The following HIVEP3 variants were observed in gnomAD, a reference collection of about 807,000 sequenced individuals.
The protein encoded by HIVEP3 is transcription factor HIVEP3.
In HIVEP3, 49 loss-of-function variants were observed where a neutral mutation model predicts 152.8. The ratio of observed to expected loss-of-function variants is 0.32; its 90% CI spans 0.26 to 0.41. The LOEUF (loss-of-function observed/expected upper bound fraction) is 0.41. HIVEP3 is among the 10% of genes least tolerant of loss of function. The pLI is 1.00. For missense variants in HIVEP3, 2,790 were observed against 3,103.3 expected, an observed-to-expected ratio of 0.90 and a Z score of 2.40; for synonymous variants, 1,269 against 1,289.0, an observed-to-expected ratio of 0.98 and a Z score of 0.33.
intron 5 of HIVEP3, among the ~76,000 whole-genome samples, chr1:41,570,509 T>G (rs1323452331): frequency 6.6e-6 from 1 of 152,166 alleles, no homozygotes; most frequent in Non-Finnish European, 1.5e-5. Flanking sequence ...TGCTTCCCCT[T>G]CACCTTCCAC....
chr1:41,683,275 G>A (rs951988281), intron 2 of HIVEP3, among the ~76,000 whole-genome samples: 4 of 152,332 alleles, frequency 2.6e-5, no homozygotes, highest in Non-Finnish European at 4.4e-5. Flanking sequence ...TTTGCAGTCC[G>A]TGTGCCTCAT....
rs56139506 is a variant in HIVEP3, at chr1:41,565,527, G to GACACAC, written c.5207+10011_5207+10016dup. Reference sequence around the variant, plus strand: ...TGTGTAACTTTGATAAAAACTGAAAGACACACACACACACACACACACACA... The same window carrying GACACAC: ...TGTGTAACTTTGATAAAAACTGAAAGACACACACACACACACACACACACACACACA... On this transcript the variant is annotated intron_variant, in intron 5 of 8. Transcript: ENST00000372583. Among the ~76,000 whole-genome samples, 817 of 137,374 alleles carry GACACAC rather than the reference G, an allele frequency of 5.9e-3. 8 individuals carry two copies. Among genetic ancestry groups the GACACAC allele is most frequent in the African/African-American group, 0.02 (760 of 38,672 alleles). The allele number at this position is 137,374 out of a possible 152,430, so 90.1% of individuals were successfully genotyped here. A position where few individuals can be genotyped will look rare whatever the true frequency, so the allele number is the denominator to read the frequency against.
chr1:41,551,682 TTC>T (rs1643895612), intron 5 of HIVEP3, among the ~76,000 whole-genome samples: 2 of 152,234 alleles, frequency 1.3e-5, no homozygotes, highest in African/African-American at 4.8e-5. Flanking sequence ...GTTTATAGTA[TTC>T]TCTGATGGTA....
intron 1 of HIVEP3, among the ~76,000 whole-genome samples, chr1:41,971,604 C>A (rs1294302550): frequency 6.6e-6 from 1 of 152,122 alleles, no homozygotes; most frequent in Non-Finnish European, 1.5e-5. Flanking sequence ...ACCTGGCAGC[C>A]CAAAAGGCTA....
At chr1:41,989,150 ATGG>A (rs1460976573) in intron 1 of HIVEP3, among the ~76,000 whole-genome samples, 1 of 152,198 alleles carries the variant, frequency 6.6e-6, no homozygotes, top group East Asian at 1.9e-4. Flanking sequence ...ACTGTACAAT[ATGG>A]TGGTTATAGT....
intron 1 of HIVEP3, among the ~76,000 whole-genome samples, chr1:41,887,471 G>A (rs1481829809): frequency 6.6e-6 from 1 of 152,198 alleles, no homozygotes; most frequent in Non-Finnish European, 1.5e-5. Flanking sequence ...TTCCCAGCCA[G>A]GAAGTGGCAG....
chr1:41,524,875 C>T lies in HIVEP3; in HGVS notation c.5243G>A (p.Gly1748Asp). Reference sequence around the variant, plus strand: ...ACAAACATATTTCCCTCGGCCGCGGCCTCGCACATATACATACTCTTCGTT... The same window carrying T: ...ACAAACATATTTCCCTCGGCCGCGGTCTCGCACATATACATACTCTTCGTT... ...KSNEEYVYVRGRGRGKYVCEE... is the reference protein window; with the variant it reads ...KSNEEYVYVRDRGRGKYVCEE... The change falls in exon 6 of 9, where the codon GGC (glycine) becomes GAC (aspartate). Residue 1748 changes from glycine to aspartate, a missense_variant. This residue lies in a region of HIVEP3 where 57 missense variants were observed against 95.1 expected (regional missense o/e 0.60). Coordinates refer to ENST00000372583, the MANE Select transcript of HIVEP3 (RefSeq NM_024503.5). 6.2e-7 allele frequency: 1 copy of T among 1,614,114 alleles called. No individual in the cohort carries two copies. The highest frequency in any genetic ancestry group is 8.5e-7 in the Non-Finnish European group (1 of 1,179,990).
chr1:41,516,307 A>G (rs968831938), intron 7 of HIVEP3, among the ~76,000 whole-genome samples: 5 of 152,194 alleles, frequency 3.3e-5, no homozygotes, highest in Non-Finnish European at 7.4e-5. Flanking sequence ...CACCATGGGC[A>G]GGGCCGGGGC....
At chr1:41,586,204 C>T (rs1486351435) in intron 3 of HIVEP3, among the ~76,000 whole-genome samples, 1 of 152,194 alleles carries the variant, frequency 6.6e-6, no homozygotes, top group African/African-American at 2.4e-5. Context: ...CTGCATATAG[C>T]CCCAAGTGTG....
At chr1:41,615,498 G>T (rs1644955425) in intron 3 of HIVEP3, among the ~76,000 whole-genome samples, 1 of 152,256 alleles carries the variant, frequency 6.6e-6, no homozygotes, top group African/African-American at 2.4e-5. Context: ...CCAAGGAAGA[G>T]AAGGGATTCG....
chr1:41,987,640 C>A (rs115646785), intron 1 of HIVEP3, among the ~76,000 whole-genome samples: 3,024 of 152,202 alleles, frequency 0.02, 41 homozygotes, highest in Middle Eastern at 0.044. Flanking sequence ...TGATCTTTGA[C>A]AAAAACGCCA....
intron 1 of HIVEP3, among the ~76,000 whole-genome samples, chr1:41,863,973 G>A (rs1643922303): frequency 6.6e-6 from 1 of 152,198 alleles, no homozygotes; most frequent in Non-Finnish European, 1.5e-5. Context: ...TTAGCCATCT[G>A]CAGAAAATTC....
intron 3 of HIVEP3, among the ~76,000 whole-genome samples, chr1:41,614,140 G>C (rs1271035566): frequency 6.6e-6 from 1 of 152,226 alleles, no homozygotes; most frequent in Non-Finnish European, 1.5e-5. Context: ...GGGAGAGGTA[G>C]CCACAACATG....
chr1:41,888,798 AAC>A (rs557893966), intron 1 of HIVEP3, among the ~76,000 whole-genome samples: 9 of 118,022 alleles, frequency 7.6e-5, no homozygotes, highest in South Asian at 5.9e-4. Context: ...ACACATACCA[AAC>A]ACACACACAC....
chr1:41,962,595 G>C (rs1198718231), intron 1 of HIVEP3, among the ~76,000 whole-genome samples: 1 of 152,242 alleles, frequency 6.6e-6, no homozygotes, highest in Admixed American at 6.5e-5. Flanking sequence ...AGTTGGACCA[G>C]AAGGGATGCT....
In HIVEP3 at chr1:41,857,983, A is replaced by ATCTCTCTCTCTCTCTCTCTC. The variant is rs56967197; in HGVS notation, c.-801+60410_-801+60429dup. ...CTGTGAAATCTCAATCAATCAATCA[A>ATCTCTCTCTCTCTCTCTCTC]TCTCTCTCTCTCTCTCTCTCACCAT... is the stretch of plus-strand genomic sequence containing the variant. On this transcript the variant is annotated intron_variant, in intron 1 of 8. Coordinates refer to ENST00000372583, the MANE Select transcript of HIVEP3 (RefSeq NM_024503.5). Among the ~76,000 whole-genome samples, 28 of 148,590 alleles carry ATCTCTCTCTCTCTCTCTCTC rather than the reference A, an allele frequency of 1.9e-4. No homozygotes were observed. In the South Asian group the frequency reaches 3.0e-3, roughly 16 times the overall value.
intron 2 of HIVEP3, among the ~76,000 whole-genome samples, chr1:41,674,555 T>C (rs1645925041): frequency 6.6e-6 from 1 of 152,160 alleles, no homozygotes; most frequent in African/African-American, 2.4e-5. Context: ...TGGAACTTCC[T>C]CCCTGCCCCG....
At chr1:41,740,542 G>A (rs1404538142) in intron 1 of HIVEP3, among the ~76,000 whole-genome samples, 1 of 152,242 alleles carries the variant, frequency 6.6e-6, no homozygotes, top group Non-Finnish European at 1.5e-5. Flanking sequence ...GAGTGGGGAA[G>A]AAGGTAAAAA....
intron 1 of HIVEP3, among the ~76,000 whole-genome samples, chr1:41,805,512 C>T (rs960075695): frequency 1.3e-5 from 2 of 152,168 alleles, no homozygotes; most frequent in Non-Finnish European, 2.9e-5. Flanking sequence ...TTCAAATGGC[C>T]TTGGGCAAGC....
Sources: allele counts gnomAD v4.1 joint callset (sites outside exome capture counted in the v4.1 genomes callset), GRCh38; gene constraint gnomAD v4.1.1; regional missense constraint gnomAD v4.1.1; transcripts MANE v1.5; gene names NCBI Gene and HGNC (gene_info 2026-07-23, HGNC 2026-07-21).